PLSCR3: variants seen among roughly 807,000 people sequenced by gnomAD.
The protein encoded by PLSCR3 is PL scramblase 3.
In PLSCR3, 17 loss-of-function variants were observed where a neutral mutation model predicts 33.7. The ratio of observed to expected loss-of-function variants is 0.50; its 90% CI spans 0.35 to 0.76. The LOEUF (loss-of-function observed/expected upper bound fraction) is 0.76. Among genes scored for constraint, PLSCR3 ranks in the 30% least tolerant of loss-of-function variants. The probability of loss-of-function intolerance (pLI) is 0.01; values close to 1 mark genes in which losing one functional copy is unlikely to be tolerated. For synonymous variants in PLSCR3, 166 were observed against 166.0 expected, an observed-to-expected ratio of 1.00 and a Z score of 0.00; for missense variants, 360 against 394.1, an observed-to-expected ratio of 0.91 and a Z score of 0.73.
At chr17:7,393,439 G>A in intron 4 of PLSCR3, 28 bp downstream of exon 4, 2 of 1,613,860 alleles carry the variant, frequency 1.2e-6, no homozygotes, top group Non-Finnish European at 1.7e-6. Context: ...ACCATCATGA[G>A]GTCCAACCTC....
At position 7,394,387 on chromosome 17, in the gene PLSCR3, T is replaced by A. The variant is rs1348250163; in HGVS notation, c.-158+90A>T. ...TTCTCCCATCCTGCGGAGGAGGCTGTGGGCCGACGGCAGGACAGATGGACC... is the reference window on the plus strand; with the variant it reads ...TTCTCCCATCCTGCGGAGGAGGCTGAGGGCCGACGGCAGGACAGATGGACC... On this transcript the variant is annotated intron_variant, in intron 1 of 7. Coordinates refer to ENST00000619711, the MANE Select transcript of PLSCR3 (RefSeq NM_020360.4). This position sits in a 1 kb window ranked among gnomAD's most constrained non-coding sequence, Gnocchi z 5.3. The A allele has an allele frequency of 2.3e-6, 1 of 441,408 alleles. No individual in the cohort carries two copies. The highest frequency in any genetic ancestry group is 4.1e-6 in the Non-Finnish European group (1 of 243,250). 27.3% of individuals were successfully genotyped at this position (441,408 alleles called of 1,614,324 possible).
At chr17:7,392,300 C>G (rs1905772921) in intron 6 of PLSCR3, among the ~76,000 whole-genome samples, 1 of 152,232 alleles carries the variant, frequency 6.6e-6, no homozygotes, top group Non-Finnish European at 1.5e-5. Flanking sequence ...ATTCTTGCCA[C>G]TTGGGATCTC....
In PLSCR3 at chr17:7,391,661, G is replaced by A. The variant is rs1200583396; in HGVS notation, c.670-866C>T. Among the ~76,000 whole-genome samples the A allele has an allele frequency of 2.0e-5, 3 of 152,152 alleles. No individual in the cohort carries two copies. The highest frequency in any genetic ancestry group is 2.9e-5 in the Non-Finnish European group (2 of 68,038). On this transcript the variant is annotated intron_variant, in intron 6 of 7. Coordinates refer to ENST00000619711, the MANE Select transcript of PLSCR3 (RefSeq NM_020360.4). The surrounding 1 kb of genome is among the most constrained non-coding windows in gnomAD (Gnocchi z 4.1). ...TGGACCATTTATAATTATGCAAAAG[G>A]GACACTGGCCCTATGAGAACCCCAC...
Position 7,394,062 on chromosome 17 carries a change from G to C in PLSCR3, c.7+42C>G, listed in dbSNP as rs751553563. ...GTGTTCAAACCCGGCTCCCAAGTCC[G>C]TGGGGGGGATAACGGAGACCCCCAG... On this transcript the variant is annotated intron_variant, in intron 2 of 7. Coordinates refer to ENST00000619711, the MANE Select transcript of PLSCR3 (RefSeq NM_020360.4). The surrounding 1 kb of genome is among the most constrained non-coding windows in gnomAD (Gnocchi z 5.3). The C allele has an allele frequency of 6.2e-7, 1 of 1,607,444 alleles. No homozygotes were observed. The highest frequency in any genetic ancestry group is 8.5e-7 in the Non-Finnish European group (1 of 1,176,116).
Position 7,392,364 on chromosome 17 carries a change from G to A in PLSCR3, c.669+427C>T, listed in dbSNP as rs551227921. Among the ~76,000 whole-genome samples the A allele has an allele frequency of 5.3e-5, 8 of 152,302 alleles. No individual in the cohort carries two copies. The South Asian group carries it at 8.3e-4, about 16-fold the overall frequency. ...CAGTGAGAAGGATATACTGGATTTC[G>A]GAATGGCAGGGGCATTTGGATTCTA... On this transcript the variant is annotated intron_variant, in intron 6 of 7. Coordinates refer to ENST00000619711, the MANE Select transcript of PLSCR3 (RefSeq NM_020360.4).
At chr17:7,392,609 T>TTTTTATAAGA (rs1185453124) in intron 6 of PLSCR3, among the ~76,000 whole-genome samples, 182 bp downstream of exon 6, 7 of 152,212 alleles carry the variant, frequency 4.6e-5, no homozygotes, top group Non-Finnish European at 8.8e-5. Context: ...CTCGTTGTTA[T>TTTTTATAAGA]GCTTTTATAA....
rs1181883287 is a variant in PLSCR3, at chr17:7,391,453, C to A, written c.670-658G>T. Among the ~76,000 whole-genome samples, 2 of 152,220 alleles carry A rather than the reference C, an allele frequency of 1.3e-5. No homozygotes were observed. The highest frequency in any genetic ancestry group is 2.4e-5 in the African/African-American group (1 of 41,460). On this transcript the variant is annotated intron_variant, in intron 6 of 7. Coordinates refer to ENST00000619711, the MANE Select transcript of PLSCR3 (RefSeq NM_020360.4). The surrounding 1 kb of genome is among the most constrained non-coding windows in gnomAD (Gnocchi z 4.1). ...TTTCCACTGGCTTCTCTGAGCCACA[C>A]AGCAACAGGCTCTGCTGATGTGGGT...
At position 7,393,744 on chromosome 17, in the gene PLSCR3, C is replaced by T. The variant is rs373262490; in HGVS notation, c.100G>A (p.Gly34Arg). ...ACCTGGGCGGGCACTGGCGCCTGCCCGGGCCCAGGATGTAGCGCCGGCTCC... is the reference window on the plus strand; with the variant it reads ...ACCTGGGCGGGCACTGGCGCCTGCCTGGGCCCAGGATGTAGCGCCGGCTCC... ...YPEPALHPGP[G>R]QAPVPAQVPA... Residue 34 changes from glycine to arginine, a missense_variant, in exon 3 of 8, where the codon GGG (glycine) becomes AGG (arginine). By Grantham distance (125) the Gly-to-Arg change is moderately radical. Coordinates refer to ENST00000619711, the MANE Select transcript of PLSCR3 (RefSeq NM_020360.4). 1.4e-5 allele frequency: 21 copies of T among 1,515,978 alleles called. No homozygotes were observed. In the African/African-American group the frequency reaches 2.0e-4, roughly 14 times the overall value. The allele number at this position is 1,515,978 out of a possible 1,614,324, so 93.9% of individuals were successfully genotyped here.
Position 7,392,827 on chromosome 17 carries a change from G to A in PLSCR3, c.633C>T (p.Cys211=). 6.2e-7 allele frequency: 1 copy of A among 1,614,036 alleles called. No homozygotes were observed. The highest frequency in any genetic ancestry group is 8.5e-7 in the Non-Finnish European group (1 of 1,180,008). ...TGTCTGTGCCACAGCCACAGGTCCA[G>A]CAGGGCCCCACCACTCGCAAGACTG... ...RQTVLRVVGP[C]WTCGCGTDTN... The change falls in exon 6 of 8, where the codon TGC becomes TGT. Residue 211 remains cysteine, a synonymous_variant. Coordinates refer to ENST00000619711, the MANE Select transcript of PLSCR3 (RefSeq NM_020360.4).
Position 7,394,001 on chromosome 17 carries a change from C to A in PLSCR3, c.7+103G>T. On this transcript the variant is annotated intron_variant, in intron 2 of 7. Transcript: ENST00000619711. The surrounding 1 kb of genome is among the most constrained non-coding windows in gnomAD (Gnocchi z 5.3). ...AGGTTCCCCGGAAGGAAGGGAGGGG[C>A]CCCACCCAGCCAGTCCGAGCACATT... is the stretch of plus-strand genomic sequence containing the variant. 1.4e-6 allele frequency: 2 copies of A among 1,429,288 alleles called. No homozygotes were observed. The highest frequency in any genetic ancestry group is 1.9e-6 in the Non-Finnish European group (2 of 1,033,304). The allele number at this position is 1,429,288 out of a possible 1,614,324, so 88.5% of individuals were successfully genotyped here.
In PLSCR3 at chr17:7,393,309, C is replaced by T; in HGVS notation, c.342G>A (p.Gln114=). ...TCTCCTCGGCCGCCTGACCCAGGGG[C>T]TGCCCGGCCCCAGAGCGCAGTTCAT... ...NRYELRSGAG[Q]PLGQAAEESN... is the part of the protein sequence containing the mutation. Residue 114 remains glutamine, a synonymous_variant, in exon 5 of 8, where the codon CAG becomes CAA. Transcript: ENST00000619711. 1 of 1,611,238 alleles carries T rather than the reference C, an allele frequency of 6.2e-7. No homozygotes were observed.
At chr17:7,390,975 C>G (rs1435670286) in intron 6 of PLSCR3, among the ~76,000 whole-genome samples, 180 bp from the exon 7 acceptor site, 1 of 152,126 alleles carries the variant, frequency 6.6e-6, no homozygotes, top group African/African-American at 2.4e-5. Flanking sequence ...AGTATGACAG[C>G]TGGGGAAACT....
chr17:7,393,761 G>A lies in PLSCR3; in HGVS notation c.83C>T (p.Ala28Val), dbSNP rs758357139. The A allele has an allele frequency of 1.3e-6, 2 of 1,509,246 alleles. 1 individual carries two copies. Among genetic ancestry groups the A allele is most frequent in the South Asian group, 2.5e-5 (2 of 80,292 alleles). 93.5% of individuals were successfully genotyped at this position (1,509,246 alleles called of 1,614,324 possible). ...CGCCTGCCCGGGCCCAGGATGTAGC[G>A]CCGGCTCCGGGTACCCAGGGGTGAC... Reference protein sequence around the residue: ...YPVTPGYPEPALHPGPGQAPV... With the variant: ...YPVTPGYPEPVLHPGPGQAPV... Residue 28 changes from alanine (A) to valine (V), a missense_variant, in exon 3 of 8, where the codon GCG becomes GTG. Ala to Val is a moderately conservative substitution (Grantham distance 64). Coordinates refer to ENST00000619711, the MANE Select transcript of PLSCR3 (RefSeq NM_020360.4).
Position 7,393,212 on chromosome 17 carries a change from G to T in PLSCR3, c.439C>A (p.Arg147Ser), listed in dbSNP as rs919940511. 1 of 1,551,830 alleles carries T rather than the reference G, an allele frequency of 6.4e-7. No homozygotes were observed. The highest frequency in any genetic ancestry group is 8.6e-7 in the Non-Finnish European group (1 of 1,157,082). ...GGGCGGAGCAAACGCAGCACCTCAC[G>T]GTCCCCGGGGTCGGCCAGGCGGACA... The part of the protein sequence containing the change: ...LRVRLADPGD[R>S]EVLRLLRPLH... Residue 147 changes from arginine to serine, a missense_variant, in exon 5 of 8, where the codon CGT (arginine) becomes AGT (serine). By Grantham distance (110) the Arg-to-Ser change is moderately radical. Coordinates refer to ENST00000619711, the MANE Select transcript of PLSCR3 (RefSeq NM_020360.4).
intron 3 of PLSCR3, 33 bp from the exon 4 acceptor site, chr17:7,393,542 G>A: frequency 6.2e-7 from 1 of 1,613,942 alleles, no homozygotes; most frequent in East Asian, 2.2e-5. Context: ...CACATCAGCT[G>A]GCCCATCTGG....
rs765184638 is a variant in PLSCR3 at position 7,393,128 on chromosome 17, C to G, written c.507+16G>C. On this transcript the variant is annotated intron_variant, in intron 5 of 7. Coordinates refer to ENST00000619711, the MANE Select transcript of PLSCR3 (RefSeq NM_020360.4). ...CCCACCAAGGCCCGCCCTCCCGGCC[C>G]CCTCCCTCCGCCCACCTCCTGGAGG... The G allele has an allele frequency of 5.5e-6, 8 of 1,443,312 alleles. No homozygotes were observed. The highest frequency in any genetic ancestry group is 2.5e-5 in the East Asian group (1 of 40,286). The allele number at this position is 1,443,312 out of a possible 1,614,324, so 89.4% of individuals were successfully genotyped here.
chr17:7,390,138 A>C lies in PLSCR3; in HGVS notation c.*247T>G. Reference sequence around the variant, plus strand: ...AGAGAGTGCATGGGGAAAGTGTGAAAGCTGATATGCCTGTGTGCCGAGGGA... The same window carrying C: ...AGAGAGTGCATGGGGAAAGTGTGAACGCTGATATGCCTGTGTGCCGAGGGA... On this transcript the variant is annotated 3_prime_UTR_variant, in exon 8 of 8. Coordinates refer to ENST00000619711, the MANE Select transcript of PLSCR3 (RefSeq NM_020360.4). 2.2e-6 allele frequency: 1 copy of C among 451,028 alleles called. No individual in the cohort carries two copies. The highest frequency in any genetic ancestry group is 4.0e-6 in the Non-Finnish European group (1 of 251,718). The allele number at this position is 451,028 out of a possible 1,614,324, so 27.9% of individuals were successfully genotyped here. A position where few individuals can be genotyped will look rare whatever the true frequency, so the allele number is the denominator to read the frequency against.
chr17:7,391,914 G>A lies in PLSCR3; in HGVS notation c.669+877C>T, dbSNP rs950445277. On this transcript the variant is annotated intron_variant, in intron 6 of 7. Transcript: ENST00000619711. This position sits in a 1 kb window ranked among gnomAD's most constrained non-coding sequence, Gnocchi z 4.1. ...AAGAACTCAAGGGTCGGTCAGGTGCGGTGGCTCACGCCTGTAATCCCAGCA... is the reference window on the plus strand; with the variant it reads ...AAGAACTCAAGGGTCGGTCAGGTGCAGTGGCTCACGCCTGTAATCCCAGCA... 8.6e-5 allele frequency among the ~76,000 whole-genome samples: 13 copies of A among 151,956 alleles called. No homozygotes were observed. The highest frequency in any genetic ancestry group is 5.2e-4 in the Admixed American group (8 of 15,260).
chr17:7,390,120 G>A lies in PLSCR3; in HGVS notation c.*265C>T. ...GCCCTGGAAGGGGGTGGGAGAGAGT[G>A]CATGGGGAAAGTGTGAAAGCTGATA... On this transcript the variant is annotated 3_prime_UTR_variant, in exon 8 of 8. Transcript: ENST00000619711. 2.4e-6 allele frequency: 1 copy of A among 409,956 alleles called. No individual in the cohort carries two copies. The allele number at this position is 409,956 out of a possible 1,614,324, so 25.4% of individuals were successfully genotyped here. A position where few individuals can be genotyped will look rare whatever the true frequency, so the allele number is the denominator to read the frequency against.
Sources: allele counts gnomAD v4.1 joint callset (sites outside exome capture counted in the v4.1 genomes callset), GRCh38; gene constraint gnomAD v4.1.1; non-coding constraint Gnocchi (gnomAD v3.1); transcripts MANE v1.5; gene names NCBI Gene and HGNC (gene_info 2026-07-23, HGNC 2026-07-21).